Variants in STARD4 observed in about 807,000 individuals in gnomAD.
The protein encoded by STARD4 is stAR-related lipid transfer protein 4.
In STARD4, 33 loss-of-function variants were observed where a neutral mutation model predicts 24.9. The ratio of observed to expected loss-of-function variants is 1.32; its 90% CI spans 1.00 to 1.77. The LOEUF (loss-of-function observed/expected upper bound fraction) is 1.77, where lower values mean the gene tolerates loss of function less well. Among genes scored for constraint, STARD4 ranks in the 40% most tolerant of loss-of-function variants. STARD4 has a pLI of 0.00. For missense variants in STARD4, 238 were observed against 249.3 expected, an observed-to-expected ratio of 0.95 and a Z score of 0.31; for synonymous variants, 88 against 77.4, an observed-to-expected ratio of 1.14 and a Z score of -0.72.
At chr5:111,500,132 C>T in intron 5 of STARD4, 26 bp from the exon 6 acceptor site, 1 of 1,548,668 alleles carries the variant, frequency 6.5e-7, no homozygotes, top group South Asian at 1.2e-5. Flanking sequence ...TAAAATAGCA[C>T]TATTAATAGC....
chr5:111,504,297 A>T (rs1756682950), intron 3 of STARD4, among the ~76,000 whole-genome samples: 1 of 152,232 alleles, frequency 6.6e-6, no homozygotes, highest in Admixed American at 6.5e-5. Flanking sequence ...ACAAACATAG[A>T]TAAAAACATT....
At chr5:111,509,142 T>C (rs554901175) in intron 1 of STARD4, among the ~76,000 whole-genome samples, 1 of 152,038 alleles carries the variant, frequency 6.6e-6, no homozygotes, top group African/African-American at 2.4e-5. Flanking sequence ...TTCAAGAGTA[T>C]GCCACAAACA....
Position 111,500,163 on chromosome 5 carries a change from C to T in STARD4, c.398-57G>A. The T allele has an allele frequency of 1.6e-5, 24 of 1,459,930 alleles. No homozygotes were observed. In the South Asian group the frequency reaches 3.4e-4, roughly 21 times the overall value. 90.4% of individuals were successfully genotyped at this position (1,459,930 alleles called of 1,614,324 possible). A position where few individuals can be genotyped will look rare whatever the true frequency, so the allele number is the denominator to read the frequency against. On this transcript the variant is annotated intron_variant, in intron 5 of 5. Coordinates refer to ENST00000296632, the MANE Select transcript of STARD4 (RefSeq NM_139164.3). ...ATAGCAATAACTGACATAAAACTCTCATTTTAAAATATTACCAGAATTCTT... is the reference window on the plus strand; with the variant it reads ...ATAGCAATAACTGACATAAAACTCTTATTTTAAAATATTACCAGAATTCTT...
At chr5:111,504,960 G>T in intron 3 of STARD4, 2 of 441,246 alleles carry the variant, frequency 4.5e-6, no homozygotes, top group Non-Finnish European at 9.0e-6. Flanking sequence ...TTTGACTTCT[G>T]TGCTGCGGCC....
Position 111,497,359 on chromosome 5 carries a change from G to A in STARD4, c.*2527C>T, listed in dbSNP as rs936314452. On this transcript the variant is annotated 3_prime_UTR_variant, in exon 6 of 6. Transcript: ENST00000296632. ...AGATTTCCATTTAAGATATTATTCC[G>A]TATTATTGTCTATTTCATCTTACTA... The A allele has an allele frequency of 2.0e-5, 3 of 151,852 alleles. No homozygotes were observed. The highest frequency in any genetic ancestry group is 7.2e-5 in the African/African-American group (3 of 41,382). The allele number at this position is 151,852 out of a possible 1,614,324, so 9.4% of individuals were successfully genotyped here. A position where few individuals can be genotyped will look rare whatever the true frequency, so the allele number is the denominator to read the frequency against.
At chr5:111,508,697 T>A (rs961397958) in intron 1 of STARD4, among the ~76,000 whole-genome samples, 2 of 152,146 alleles carry the variant, frequency 1.3e-5, no homozygotes, top group African/African-American at 4.8e-5. Context: ...TGCTTTTAGG[T>A]GTTAGATTTT....
At chr5:111,500,524 C>A in intron 5 of STARD4, 1 of 1,046,792 alleles carries the variant, frequency 9.6e-7, no homozygotes, top group Non-Finnish European at 1.1e-6. Context: ...CTTAAGTATA[C>A]ACTATATACA....
At chr5:111,505,010 C>T in intron 3 of STARD4, 1 of 455,702 alleles carries the variant, frequency 2.2e-6, no homozygotes, top group Non-Finnish European at 4.4e-6. Context: ...CACATCAGGT[C>T]CTACCTCTTT....
chr5:111,503,201 C>G (rs1163696919), intron 3 of STARD4, among the ~76,000 whole-genome samples: 1 of 152,150 alleles, frequency 6.6e-6, no homozygotes, highest in East Asian at 1.9e-4. Flanking sequence ...CATCACTTAT[C>G]AGTGGGGAAA....
intron 5 of STARD4, chr5:111,500,670 T>C: frequency 7.7e-7 from 1 of 1,298,630 alleles, no homozygotes; most frequent in Non-Finnish European, 9.7e-7. Context: ...AATCTAGTAC[T>C]TCTCTGTGTA....
chr5:111,499,579 G>C lies in STARD4; in HGVS notation c.*307C>G. The stretch of plus-strand genomic sequence containing the variant: ...TGCACCTGTATTCCCAGCTATTCAG[G>C]AGGCTGAGGTAGAATAACCCCTTGA... On this transcript the variant is annotated 3_prime_UTR_variant, in exon 6 of 6. Transcript: ENST00000296632. 3.5e-6 allele frequency: 1 copy of C among 282,842 alleles called. No individual in the cohort carries two copies. The highest frequency in any genetic ancestry group is 6.6e-6 in the Non-Finnish European group (1 of 150,480). The allele number at this position is 282,842 out of a possible 1,614,324, so 17.5% of individuals were successfully genotyped here.
rs1000735976 is a variant in STARD4 at position 111,496,640 on chromosome 5, C to G, written c.*3246G>C. Reference sequence around the variant, plus strand: ...AGGGCTTAAATTATACAATGTTTTCCCATCTTCTCCAGATACAACCTCAAT... The same window carrying G: ...AGGGCTTAAATTATACAATGTTTTCGCATCTTCTCCAGATACAACCTCAAT... On this transcript the variant is annotated 3_prime_UTR_variant, in exon 6 of 6. Transcript: ENST00000296632. 6.6e-6 allele frequency: 1 copy of G among 151,994 alleles called. No homozygotes were observed. Among genetic ancestry groups the G allele is most frequent in the African/African-American group, 2.4e-5 (1 of 41,410 alleles). The allele number at this position is 151,994 out of a possible 1,614,324, so 9.4% of individuals were successfully genotyped here.
At chr5:111,510,723 C>T (rs1258932615) in intron 1 of STARD4, among the ~76,000 whole-genome samples, 1 of 152,190 alleles carries the variant, frequency 6.6e-6, no homozygotes, top group African/African-American at 2.4e-5. Flanking sequence ...GGGCAGCTGT[C>T]TCAAGTTACT....
intron 3 of STARD4, chr5:111,505,135 A>C: frequency 2.4e-6 from 1 of 423,346 alleles, no homozygotes; most frequent in Non-Finnish European, 4.6e-6. Context: ...TCATTCCTTA[A>C]GAAATACTTA....
rs1017291292 is a variant in STARD4 at position 111,498,795 on chromosome 5, G to A, written c.*1091C>T. ...TTTTTGAAATCTATCATCACCAGTG[G>A]CAAAAAATAAATAAAAACAAAAGCA... is the stretch of plus-strand genomic sequence containing the variant. On this transcript the variant is annotated 3_prime_UTR_variant, in exon 6 of 6. Transcript: ENST00000296632. The A allele has an allele frequency of 6.6e-6, 1 of 151,954 alleles. No individual in the cohort carries two copies. The highest frequency in any genetic ancestry group is 1.5e-5 in the Non-Finnish European group (1 of 67,972). 9.4% of individuals were successfully genotyped at this position (151,954 alleles called of 1,614,324 possible). A position where few individuals can be genotyped will look rare whatever the true frequency, so the allele number is the denominator to read the frequency against.
At chr5:111,500,471 C>A (rs1756355843) in intron 5 of STARD4, 1 of 1,047,446 alleles carries the variant, frequency 9.5e-7, no homozygotes. Context: ...TTGGTACTGG[C>A]TAGTTAAGAA....
At chr5:111,501,314 T>C (rs549895105) in intron 4 of STARD4, among the ~76,000 whole-genome samples, 198 bp from the exon 5 acceptor site, 1 of 152,332 alleles carries the variant, frequency 6.6e-6, no homozygotes, top group South Asian at 2.1e-4. Context: ...AGAAGATATA[T>C]AATCAAAATA....
chr5:111,505,043 TC>T, intron 3 of STARD4: 1 of 442,968 alleles, frequency 2.3e-6, no homozygotes, highest in Non-Finnish European at 4.5e-6. Context: ...CCTTTAAGAC[TC>T]TGAAAAAAAA....
At chr5:111,510,098 T>C (rs897919204) in intron 1 of STARD4, among the ~76,000 whole-genome samples, 1 of 152,188 alleles carries the variant, frequency 6.6e-6, no homozygotes, top group Non-Finnish European at 1.5e-5. Context: ...ATCAGAAAGC[T>C]CTCTCTGATT....
Sources: gnomAD v4.1 joint callset for allele counts (sites outside exome capture counted in the v4.1 genomes callset) on GRCh38, gnomAD v4.1.1 for gene constraint, MANE v1.5 for transcripts, NCBI Gene and HGNC (gene_info 2026-07-23, HGNC 2026-07-21) for gene names.